MTCL2: variants seen among roughly 807,000 people sequenced by gnomAD.
MTCL2 encodes microtubule crosslinking factor 2, also known as microtubule cross-linking factor 2.
At chr20:36,805,807 AG>A in the MTCL2 span, 1 of 1,486,268 alleles carries the variant, frequency 6.7e-7, no homozygotes, top group Non-Finnish European at 9.1e-7. Flanking sequence ...GAGCAGACAA[AG>A]GAATGAATGG....
chr20:36,813,752 CAAAAAAAAAAAAA>C, the MTCL2 span, among the ~76,000 whole-genome samples: 6 of 65,846 alleles, frequency 9.1e-5, no homozygotes, highest in Admixed American at 4.5e-4. Flanking sequence ...GACTCTGTCT[CAAAAAAAAAAAAA>C]AAAAAAAAAA....
the MTCL2 span, chr20:36,785,036 G>A: frequency 1.4e-5 from 14 of 985,440 alleles, no homozygotes; most frequent in African/African-American, 3.5e-5. Flanking sequence ...AATGGAGAAC[G>A]TCTGGGGAGT....
the MTCL2 span, among the ~76,000 whole-genome samples, chr20:36,788,782 C>T: frequency 4.8e-4 from 73 of 151,074 alleles, no homozygotes; most frequent in African/African-American, 1.7e-3. Flanking sequence ...TCCCCTCTCT[C>T]TTTTTTTCTT....
At chr20:36,816,060 C>T in the MTCL2 span, 1 of 1,613,638 alleles carries the variant, frequency 6.2e-7, no homozygotes, top group African/African-American at 1.3e-5. Context: ...GATGCGGCGG[C>T]TCAGCAGGTT....
the MTCL2 span, among the ~76,000 whole-genome samples, chr20:36,839,667 C>T: frequency 6.6e-6 from 1 of 152,146 alleles, no homozygotes; most frequent in Non-Finnish European, 1.5e-5. The surrounding 1 kb of genome is among the most constrained non-coding windows in gnomAD (Gnocchi z 5.1). Context: ...GATCCCAAGA[C>T]AGGGAAACAG....
the MTCL2 span, chr20:36,796,822 A>AGAG: frequency 6.5e-7 from 1 of 1,545,560 alleles, no homozygotes; most frequent in South Asian, 1.1e-5. Context: ...CAGGAGGTGG[A>AGAG]GAGGGGCGAG....
chr20:36,794,031 A>C, the MTCL2 span: 1 of 1,551,456 alleles, frequency 6.4e-7, no homozygotes, highest in Non-Finnish European at 8.7e-7. The surrounding 1 kb of genome is among the most constrained non-coding windows in gnomAD (Gnocchi z 5.4). Flanking sequence ...TGGCGCACAC[A>C]GTTGGTGATC....
At chr20:36,787,203 C>T in the MTCL2 span, among the ~76,000 whole-genome samples, 2 of 151,880 alleles carry the variant, frequency 1.3e-5, no homozygotes, top group Admixed American at 6.6e-5. Flanking sequence ...ATAGAAATAA[C>T]TGATTTATAT....
At chr20:36,810,717 C>CCTCTCTCTCCCTCTCTCT in the MTCL2 span, among the ~76,000 whole-genome samples, 4 of 94,270 alleles carry the variant, frequency 4.2e-5, no homozygotes, top group East Asian at 3.1e-4. Context: ...TCTCTCTCTC[C>CCTCTCTCTCCCTCTCTCT]CTCTCTCTCT....
At chr20:36,854,837 C>G in the MTCL2 span, among the ~76,000 whole-genome samples, 1 of 152,164 alleles carries the variant, frequency 6.6e-6, no homozygotes, top group African/African-American at 2.4e-5. Flanking sequence ...CCAAAGGTGT[C>G]CTTCCATTAG....
chr20:36,797,629 C>G, the MTCL2 span: 5 of 1,498,330 alleles, frequency 3.3e-6, no homozygotes, highest in South Asian at 3.6e-5. Flanking sequence ...ATGCAGGACC[C>G]TGCTCTAAGC....
chr20:36,824,796 G>T, the MTCL2 span, among the ~76,000 whole-genome samples: 2,696 of 151,724 alleles, frequency 0.018, 88 homozygotes, highest in African/African-American at 0.063. Flanking sequence ...GGAACCACAG[G>T]CTTGTGTCAT....
chr20:36,816,077 C>T, the MTCL2 span: 2 of 1,613,506 alleles, frequency 1.2e-6, no homozygotes, highest in Non-Finnish European at 1.7e-6. Flanking sequence ...GGTTGGCTTC[C>T]TCCTCCACCA....
the MTCL2 span, chr20:36,797,004 G>T: frequency 6.4e-7 from 1 of 1,557,408 alleles, no homozygotes; most frequent in Non-Finnish European, 8.9e-7. Flanking sequence ...AGAGCACTAA[G>T]GGCATGGAAC....
the MTCL2 span, chr20:36,786,054 C>T: frequency 1.0e-6 from 1 of 986,630 alleles, no homozygotes; most frequent in African/African-American, 1.7e-5. Context: ...TGTCTCCTCC[C>T]AAATGAAGGG....
chr20:36,812,490 G>A, the MTCL2 span, among the ~76,000 whole-genome samples: 1 of 152,204 alleles, frequency 6.6e-6, no homozygotes, highest in Admixed American at 6.5e-5. Flanking sequence ...AATTTATGCA[G>A]ATGAGTTTAT....
the MTCL2 span, chr20:36,815,462 G>A: frequency 3.1e-6 from 5 of 1,605,184 alleles, no homozygotes; most frequent in South Asian, 1.1e-5. The surrounding 1 kb of genome is among the most constrained non-coding windows in gnomAD (Gnocchi z 5.3). Context: ...TGACCAGGGC[G>A]GCCTGCTCTC....
At chr20:36,793,263 C>G in the MTCL2 span, 1 of 1,551,316 alleles carries the variant, frequency 6.4e-7, no homozygotes, top group Non-Finnish European at 8.7e-7. The surrounding 1 kb of genome is among the most constrained non-coding windows in gnomAD (Gnocchi z 6.8). Flanking sequence ...TTGGGAAGGA[C>G]CACGGCTCCA....
At chr20:36,855,442 G>C in the MTCL2 span, among the ~76,000 whole-genome samples, 1 of 152,222 alleles carries the variant, frequency 6.6e-6, no homozygotes, top group African/African-American at 2.4e-5. Flanking sequence ...AAAGCAGGTA[G>C]ATGCAGTGCT....
Sources: gnomAD v4.1 joint callset for allele counts (sites outside exome capture counted in the v4.1 genomes callset) on GRCh38, gnomAD v4.1.1 for gene constraint, Gnocchi (gnomAD v3.1) non-coding constraint, MANE v1.5 for transcripts, NCBI Gene and HGNC (gene_info 2026-07-23, HGNC 2026-07-21) for gene names.